Variants in ZEB2 observed in about 807,000 individuals in gnomAD.
ZEB2 encodes zinc finger E-box binding homeobox 2, also known as zinc finger E-box-binding homeobox 2.
In ZEB2, 6 loss-of-function variants were observed where a neutral mutation model predicts 99.9. The observed-to-expected ratio is 0.06, with a 90% CI of 0.03 to 0.12. The LOEUF (loss-of-function observed/expected upper bound fraction) is 0.12, where lower values mean the gene tolerates loss of function less well. Among genes scored for constraint, ZEB2 ranks in the 10% least tolerant of loss-of-function variants. ZEB2 has a pLI of 1.00. For missense variants in ZEB2, 969 were observed against 1,502.8 expected, an observed-to-expected ratio of 0.64 and a Z score of 5.87; for synonymous variants, 517 against 542.5, an observed-to-expected ratio of 0.95 and a Z score of 0.65.
At chr2:144,471,171 G>T (rs1453806749) in intron 2 of ZEB2, among the ~76,000 whole-genome samples, 1 of 152,126 alleles carries the variant, frequency 6.6e-6, no homozygotes, top group Non-Finnish European at 1.5e-5. Flanking sequence ...GAAAGAAGAA[G>T]AATATTTAGC....
intron 2 of ZEB2, among the ~76,000 whole-genome samples, chr2:144,439,134 A>G (rs1437657869): frequency 8.6e-6 from 1 of 116,400 alleles, no homozygotes; most frequent in African/African-American, 3.1e-5. Flanking sequence ...TGGGAGGAAG[A>G]AAAAAAAAAA....
At chr2:144,517,573 A>AC in intron 1 of ZEB2, 154 bp from the exon 2 acceptor site, 1 of 247,486 alleles carries the variant, frequency 4.0e-6, no homozygotes, top group Non-Finnish European at 7.4e-6. Context: ...CCCGCCCCCC[A>AC]CCCCCAGCCT....
intron 2 of ZEB2, chr2:144,512,797 G>A: frequency 1.6e-6 from 2 of 1,287,216 alleles, no homozygotes; most frequent in Non-Finnish European, 2.0e-6. Context: ...CCAGCCTTGT[G>A]TGTGTGCAGC....
chr2:144,449,543 A>G (rs1704028984), intron 2 of ZEB2: 1 of 152,214 alleles, frequency 6.6e-6, no homozygotes, highest in Admixed American at 6.5e-5. Context: ...TTTTAGGTTG[A>G]AAGGTAGTGG....
intron 2 of ZEB2, chr2:144,461,874 C>G (rs1054476012): frequency 2.6e-5 from 4 of 152,154 alleles, no homozygotes; most frequent in African/African-American, 9.7e-5. Flanking sequence ...CACGTGGTAA[C>G]ATATGCTAAA....
intron 2 of ZEB2, chr2:144,512,919 T>G: frequency 7.8e-7 from 1 of 1,287,158 alleles, no homozygotes; most frequent in Non-Finnish European, 1.0e-6. Context: ...GCTTTGAAAG[T>G]CAGCAAAACA....
chr2:144,434,837 T>G (rs1703816369), intron 2 of ZEB2, among the ~76,000 whole-genome samples: 1 of 152,156 alleles, frequency 6.6e-6, no homozygotes, highest in Non-Finnish European at 1.5e-5. Flanking sequence ...ATTATGAGCT[T>G]GAAGACTTGC....
In ZEB2 at chr2:144,387,050, TATATATATATATACACACACACAC is replaced by T. The variant is rs1424694143; in HGVS notation, c.*2377_*2400del. The T allele has an allele frequency of 6.8e-6, 1 of 146,242 alleles. No individual in the cohort carries two copies. Among genetic ancestry groups the T allele is most frequent in the African/African-American group, 2.5e-5 (1 of 39,340 alleles). 9.1% of individuals were successfully genotyped at this position (146,242 alleles called of 1,614,324 possible). On this transcript the variant is annotated 3_prime_UTR_variant, in exon 10 of 10. Transcript: ENST00000627532. ...TTCTGTGTATGTGTGTGTGTGTATA[TATATATATATATACACACACACAC>T]ATACACACTTTCTATTGAGTTTCAA...
Position 144,424,788 on chromosome 2 carries a change from T to C in ZEB2, c.403+8A>G, listed in dbSNP as rs370644578. ...AAATGTGATCTGAGCGTGGCCAACA[T>C]AACTCACCTGTACCATTGTTAATTG... On this transcript the variant is annotated splice_region_variant and intron_variant, in intron 4 of 9. Transcript: ENST00000627532. 2.5e-6 allele frequency: 4 copies of C among 1,614,052 alleles called. No homozygotes were observed. The highest frequency in any genetic ancestry group is 2.5e-6 in the Non-Finnish European group (3 of 1,179,918).
Position 144,474,577 on chromosome 2 carries a change from T to C in ZEB2, c.73+42701A>G, listed in dbSNP as rs562924694. Among the ~76,000 whole-genome samples, 12 of 152,338 alleles carry C rather than the reference T, an allele frequency of 7.9e-5. No individual in the cohort carries two copies. The South Asian group carries it at 2.5e-3, about 32-fold the overall frequency. ...GGTACATTAATAAATGATACCAGTG[T>C]TGTAATCATTGATTATAACTTAATT... On this transcript the variant is annotated intron_variant, in intron 2 of 9. Transcript: ENST00000627532.
intron 2 of ZEB2, among the ~76,000 whole-genome samples, chr2:144,514,786 T>C (rs1705102929): frequency 1.3e-5 from 2 of 152,250 alleles, no homozygotes; most frequent in Admixed American, 1.3e-4. Flanking sequence ...CTGTAAGCAA[T>C]GGACAGGCTT....
In ZEB2 at chr2:144,495,477, T is replaced by C. The variant is rs559812051; in HGVS notation, c.73+21801A>G. The C allele has an allele frequency of 2.0e-5, 3 of 152,280 alleles. No homozygotes were observed. The South Asian group carries it at 6.2e-4, about 32-fold the overall frequency. 9.4% of individuals were successfully genotyped at this position (152,280 alleles called of 1,614,324 possible). On this transcript the variant is annotated intron_variant, in intron 2 of 9. Transcript: ENST00000627532. ...CGTGTCTTAAATCAGCAACAGCAAATTGTCTTCTCATATAAGCATGTTTAC... is the reference window on the plus strand; with the variant it reads ...CGTGTCTTAAATCAGCAACAGCAAACTGTCTTCTCATATAAGCATGTTTAC...
At chr2:144,406,997 G>A (rs372934710) in intron 4 of ZEB2, among the ~76,000 whole-genome samples, 28 of 152,324 alleles carry the variant, frequency 1.8e-4, no homozygotes, top group African/African-American at 6.7e-4. Flanking sequence ...GTTGGGAGAT[G>A]CTAAGGTACC....
intron 2 of ZEB2, among the ~76,000 whole-genome samples, chr2:144,459,320 C>T (rs757607099): frequency 6.6e-6 from 1 of 151,946 alleles, no homozygotes; most frequent in Non-Finnish European, 1.5e-5. Context: ...CTGTAGGACA[C>T]GGGGCTGCAA....
intron 2 of ZEB2, among the ~76,000 whole-genome samples, chr2:144,441,208 A>AGAGAG (rs59338642): frequency 9.8e-4 from 142 of 145,570 alleles, no homozygotes; most frequent in South Asian, 2.4e-3. Context: ...AGAGAGAGAG[A>AGAGAG]ACCTCATGCC....
intron 2 of ZEB2, chr2:144,513,711 A>G: frequency 1.3e-6 from 2 of 1,535,990 alleles, no homozygotes; most frequent in East Asian, 2.4e-5. Context: ...CAAAAGCAAC[A>G]AACTTTGCAA....
At chr2:144,451,384 G>C (rs1182074526) in intron 2 of ZEB2, among the ~76,000 whole-genome samples, 1 of 152,222 alleles carries the variant, frequency 6.6e-6, no homozygotes, top group South Asian at 2.1e-4. Flanking sequence ...TTTGTGCTTA[G>C]GAAAATAAAT....
chr2:144,418,663 G>A lies in ZEB2; in HGVS notation c.403+6133C>T, dbSNP rs1021211393. The stretch of plus-strand genomic sequence containing the variant: ...AAATTGCACCATTGCACTCCAGCCC[G>A]GGCAAAAAGAGCGAGACTCCATCTC... On this transcript the variant is annotated intron_variant, in intron 4 of 9. Coordinates refer to ENST00000627532, the MANE Select transcript of ZEB2 (RefSeq NM_014795.4). 1.3e-4 allele frequency among the ~76,000 whole-genome samples: 19 copies of A among 151,764 alleles called. No homozygotes were observed. In the South Asian group the frequency reaches 2.3e-3, roughly 18 times the overall value.
At chr2:144,432,797 C>A (rs548703315) in intron 2 of ZEB2, among the ~76,000 whole-genome samples, 2 of 150,332 alleles carry the variant, frequency 1.3e-5, no homozygotes, top group African/African-American at 5.0e-5. Context: ...TCACCACTGG[C>A]AGAAGAGATC....
Sources: allele counts gnomAD v4.1 joint callset (sites outside exome capture counted in the v4.1 genomes callset), GRCh38; gene constraint gnomAD v4.1.1; transcripts MANE v1.5; gene names NCBI Gene and HGNC (gene_info 2026-07-23, HGNC 2026-07-21).